Variants in CEP250 observed in about 807,000 individuals in gnomAD.
CEP250 encodes centrosomal protein 250, also known as centrosome-associated protein CEP250.
CEP250 carries 242 observed loss-of-function variants against 315.7 expected under a neutral mutation model. That is an observed-to-expected ratio of 0.77 (90% CI 0.69 to 0.85). CEP250 has a LOEUF of 0.85. CEP250 is among the 40% of genes least tolerant of loss of function. CEP250 has a pLI of 0.00. For synonymous variants in CEP250, 1,088 were observed against 1,175.0 expected (o/e 0.93, Z 1.51); for missense variants, 2,515 against 2,886.4 (o/e 0.87, Z 2.95).
intron 12 of CEP250, 90 bp from the exon 13 acceptor site, chr20:35,473,284 C>G: frequency 8.5e-7 from 1 of 1,170,428 alleles, no homozygotes; most frequent in Non-Finnish European, 1.2e-6. Flanking sequence ...CACCAGCCCC[C>G]GACCCCCTTC....
At chr20:35,501,435 G>A (rs569484336) in intron 28 of CEP250, among the ~76,000 whole-genome samples, 71 of 152,256 alleles carry the variant, frequency 4.7e-4, no homozygotes, top group African/African-American at 1.5e-3. Context: ...GGATTCCAAC[G>A]CCTGTTGCAG....
chr20:35,487,232 C>G (rs988729767), intron 20 of CEP250, among the ~76,000 whole-genome samples: 1 of 151,986 alleles, frequency 6.6e-6, no homozygotes, highest in Non-Finnish European at 1.5e-5. Context: ...CTTTGGGAGG[C>G]CGAGGTGGGC....
At chr20:35,483,756 C>G (rs1001074784) in intron 20 of CEP250, among the ~76,000 whole-genome samples, 2 of 152,014 alleles carry the variant, frequency 1.3e-5, no homozygotes, top group African/African-American at 4.8e-5. Context: ...TCTTCACTGC[C>G]TCTTGCATTT....
chr20:35,506,872 C>G (rs2064199552), intron 30 of CEP250, among the ~76,000 whole-genome samples: 1 of 152,122 alleles, frequency 6.6e-6, no homozygotes, highest in Non-Finnish European at 1.5e-5. Flanking sequence ...TATGTTCAGG[C>G]CCATTCTTAC....
chr20:35,475,748 T>A (rs2063154214), intron 15 of CEP250, 102 bp downstream of exon 15: 1 of 1,278,854 alleles, frequency 7.8e-7, no homozygotes, highest in Admixed American at 2.0e-5. Flanking sequence ...TCCCTCATCT[T>A]TCCTCAATCA....
rs2063788099 is a variant in CEP250, at chr20:35,494,671, G to A, written c.3167+14G>A. 6.2e-7 allele frequency: 1 copy of A among 1,613,402 alleles called. No individual in the cohort carries two copies. Among genetic ancestry groups the A allele is most frequent in the Middle Eastern group, 1.7e-4 (1 of 6,018 alleles). On this transcript the variant is annotated intron_variant, in intron 24 of 34. Transcript: ENST00000397527. ...AGAGAAAGCCAGGTAGGCTAGATAGGCCATGGAGGTGGCTTTTGTCTATCT... is the reference window on the plus strand; with the variant it reads ...AGAGAAAGCCAGGTAGGCTAGATAGACCATGGAGGTGGCTTTTGTCTATCT...
intron 2 of CEP250, among the ~76,000 whole-genome samples, chr20:35,459,553 C>T (rs2062708675): frequency 1.3e-5 from 2 of 151,510 alleles, no homozygotes; most frequent in Admixed American, 1.3e-4. Flanking sequence ...AGGCTTGGAC[C>T]AGGGGGTGGC....
At chr20:35,479,615 A>C (rs1379105281) in intron 18 of CEP250, 31 bp from the exon 19 acceptor site, 1 of 1,612,540 alleles carries the variant, frequency 6.2e-7, no homozygotes, top group African/African-American at 1.3e-5. Context: ...CTTGATGGGT[A>C]AGAAACTCTT....
chr20:35,469,814 G>C, intron 9 of CEP250, 76 bp from the exon 10 acceptor site: 1 of 937,848 alleles, frequency 1.1e-6, no homozygotes, highest in South Asian at 1.7e-5. Flanking sequence ...TGGGGCTGGG[G>C]CTGGGGTGTG....
At chr20:35,501,053 G>A (rs2063988115) in intron 28 of CEP250, among the ~76,000 whole-genome samples, 1 of 152,178 alleles carries the variant, frequency 6.6e-6, no homozygotes, top group South Asian at 2.1e-4. Flanking sequence ...AGCTTATTTG[G>A]GAGAAAGCAA....
rs1479017026 is a variant in CEP250 at position 35,480,032 on chromosome 20, G to A, written c.2473G>A (p.Glu825Lys). 1.2e-6 allele frequency: 2 copies of A among 1,613,618 alleles called. No individual in the cohort carries two copies. Among genetic ancestry groups the A allele is most frequent in the Admixed American group, 3.3e-5 (2 of 60,028 alleles). Residue 825 changes from glutamate (E) to lysine (K), a missense_variant, in exon 20 of 35, where the codon GAG becomes AAG. Glu to Lys is a moderately conservative substitution (Grantham distance 56, BLOSUM62 1). Coordinates refer to ENST00000397527, the MANE Select transcript of CEP250 (RefSeq NM_007186.6). ...CACTGAACGGAGTCAGGCAGAGCAG[G>A]AGCGGGATGCTGCAGCCAGACAGCT... Reference protein sequence around the residue: ...LDTERSQAEQERDAAARQLAQ... With the variant: ...LDTERSQAEQKRDAAARQLAQ...
rs79052588 is a variant in CEP250 at position 35,479,836 on chromosome 20, G to T, written c.2416+63G>T. 1,226 of 1,611,014 alleles carry T rather than the reference G, an allele frequency of 7.6e-4. 7 individuals carry two copies. The African/African-American group carries it at 0.014, about 18-fold the overall frequency. Reference sequence around the variant, plus strand: ...TGGAGATGTTGAAAGGCAGGAAGATGGTGGGAGACTATTAGAGGTCCTTCT... The same window carrying T: ...TGGAGATGTTGAAAGGCAGGAAGATTGTGGGAGACTATTAGAGGTCCTTCT... On this transcript the variant is annotated intron_variant, in intron 19 of 34. Transcript: ENST00000397527.
rs776467382 is a variant in CEP250, at chr20:35,479,398, C to T, written c.2262C>T (p.Asp754=). ...RLQAVERDRQ[D]LAEQLQGLSS... is the part of the protein sequence containing the mutation. ...AGGCCGTGGAGCGTGACCGGCAGGA[C>T]CTCGCTGAACAACTACAGGGGCTCA... The change falls in exon 18 of 35, where the codon GAC becomes GAT. Residue 754 remains aspartate, a synonymous_variant. Coordinates refer to ENST00000397527, the MANE Select transcript of CEP250 (RefSeq NM_007186.6). 8.1e-6 allele frequency: 13 copies of T among 1,613,948 alleles called. No homozygotes were observed. Among genetic ancestry groups the T allele is most frequent in the Middle Eastern group, 1.7e-4 (1 of 6,040 alleles).
rs1159939228 is a variant in CEP250 at position 35,496,865 on chromosome 20, G to C, written c.3306+150G>C. 7.4e-6 allele frequency: 6 copies of C among 814,638 alleles called. No homozygotes were observed. The Admixed American group carries it at 9.6e-5, about 13-fold the overall frequency. 50.5% of individuals were successfully genotyped at this position (814,638 alleles called of 1,614,324 possible). On this transcript the variant is annotated intron_variant, in intron 25 of 34. Transcript: ENST00000397527. ...CTGGTGCCTCAACACCCCTACAGGA[G>C]GGGGAAGCCAGGACTAGACAAGGCG... is the stretch of plus-strand genomic sequence containing the variant.
chr20:35,511,808 G>T lies in CEP250; in HGVS notation c.*182G>T, dbSNP rs536387929. On this transcript the variant is annotated 3_prime_UTR_variant, in exon 35 of 35. Transcript: ENST00000397527. ...CCTGGGGAGGACCCCAACTCACCTG[G>T]GAATGAGGCAAATTGCATTTGCTTG... 3 of 1,410,090 alleles carry T rather than the reference G, an allele frequency of 2.1e-6. No individual in the cohort carries two copies. The highest frequency in any genetic ancestry group is 5.1e-5 in the East Asian group (2 of 39,424). 87.3% of individuals were successfully genotyped at this position (1,410,090 alleles called of 1,614,324 possible).
chr20:35,505,047 C>T, intron 30 of CEP250, 42 bp downstream of exon 30: 1 of 1,507,662 alleles, frequency 6.6e-7, no homozygotes, highest in Non-Finnish European at 8.9e-7. Flanking sequence ...GGACACACCC[C>T]TGTCTGGCTG....
chr20:35,493,560 C>T lies in CEP250; in HGVS notation c.3021C>T (p.Asp1007=). 1 of 1,554,466 alleles carries T rather than the reference C, an allele frequency of 6.4e-7. No individual in the cohort carries two copies. The highest frequency in any genetic ancestry group is 8.7e-7 in the Non-Finnish European group (1 of 1,152,714). Residue 1007 remains aspartate (D), a synonymous_variant, in exon 23 of 35, where the codon GAC becomes GAT. Transcript: ENST00000397527. ...ESSSLLQDKM[D]LQKQVEDLKS... is the part of the protein sequence containing the mutation. ...GCTCCCTGCTGCAGGATAAGATGGA[C>T]CTGCAGAAGCAGGTCCCCTCCTCCT...
At position 35,518,478 on chromosome 20, in the gene CEP250, A is replaced by G. The variant is rs567611639; in HGVS notation, c.*6852A>G. ...TTGGTTACCCTGAACTACTGTTTCT[A>G]CCAAAAAGGCAGGATAAATGCTCCC... On this transcript the variant is annotated 3_prime_UTR_variant, in exon 35 of 35. Coordinates refer to ENST00000397527, the MANE Select transcript of CEP250 (RefSeq NM_007186.6). 1.4e-4 allele frequency: 22 copies of G among 152,318 alleles called. No individual in the cohort carries two copies. Among genetic ancestry groups the G allele is most frequent in the African/African-American group, 5.3e-4 (22 of 41,578 alleles). 9.4% of individuals were successfully genotyped at this position (152,318 alleles called of 1,614,324 possible). A position where few individuals can be genotyped will look rare whatever the true frequency, so the allele number is the denominator to read the frequency against.
intron 3 of CEP250, among the ~76,000 whole-genome samples, chr20:35,460,616 G>A (rs2062734264): frequency 6.6e-6 from 1 of 152,226 alleles, no homozygotes; most frequent in African/African-American, 2.4e-5. Flanking sequence ...GCAGCTGGTT[G>A]TTGCCTTATT....
Sources: allele counts gnomAD v4.1 joint callset (sites outside exome capture counted in the v4.1 genomes callset), GRCh38; gene constraint gnomAD v4.1.1; transcripts MANE v1.5; gene names NCBI Gene and HGNC (gene_info 2026-07-23, HGNC 2026-07-21).